OR52N2: variants seen among roughly 807,000 people sequenced by gnomAD.
OR52N2 encodes olfactory receptor family 52 subfamily N member 2, also known as olfactory receptor 52N2.
For synonymous variants in OR52N2, 129 were observed against 72.0 expected (o/e 1.79, Z -4.01); for missense variants, 326 against 196.6 (o/e 1.66, Z -3.94).
intron 1 of OR52N2, among the ~76,000 whole-genome samples, chr11:5,816,545 C>CTTTTTTTTTTT (rs1464421774): frequency 5.3e-5 from 8 of 150,688 alleles, no homozygotes; most frequent in South Asian, 2.1e-4. Context: ...TGATCTAAAT[C>CTTTTTTTTTTT]TTCTTTTTTT....
chr11:5,816,174 G>A (rs552234912), intron 1 of OR52N2, among the ~76,000 whole-genome samples: 5 of 152,154 alleles, frequency 3.3e-5, no homozygotes, highest in Admixed American at 2.6e-4. Context: ...CTGGTGGGAG[G>A]GCAAATGGAG....
chr11:5,815,397 TA>T (rs1386738279), intron 1 of OR52N2, among the ~76,000 whole-genome samples: 1 of 151,966 alleles, frequency 6.6e-6, no homozygotes, highest in African/African-American at 2.4e-5. Context: ...ACAAACAGCT[TA>T]ATAAGAAATG....
intron 1 of OR52N2, among the ~76,000 whole-genome samples, chr11:5,819,929 T>C (rs1474639450): frequency 6.6e-6 from 1 of 152,186 alleles, no homozygotes; most frequent in African/African-American, 2.4e-5. Context: ...CAGGTACAAT[T>C]AGAATGGGAA....
rs1389379874 is a variant in OR52N2 at position 5,820,422 on chromosome 11, C to A, written c.87C>A (p.Ile29=). 1 of 780,916 alleles carries A rather than the reference C, an allele frequency of 1.3e-6. No homozygotes were observed. The highest frequency in any genetic ancestry group is 1.3e-5 in the South Asian group (1 of 74,600). 48.4% of individuals were successfully genotyped at this position (780,916 alleles called of 1,614,324 possible). Residue 29 remains isoleucine (I), a synonymous_variant, in exon 2 of 2, where the codon ATC becomes ATA. Coordinates refer to ENST00000317037, the MANE Select transcript of OR52N2 (RefSeq NM_001005174.3). The part of the protein sequence containing the change: ...VPGLEATHIW[I]SLPFCFMYII... Reference sequence around the variant, plus strand: ...GGCTGGAAGCCACACACATCTGGATCTCCCTGCCATTCTGCTTTATGTACA... The same window carrying A: ...GGCTGGAAGCCACACACATCTGGATATCCCTGCCATTCTGCTTTATGTACA...
Position 5,820,473 on chromosome 11 carries a change from G to A in OR52N2, c.138G>A (p.Gly46=), listed in dbSNP as rs1324465575. The change falls in exon 2 of 2, where the codon GGG becomes GGA. Residue 46 remains glycine (G), a synonymous_variant. Coordinates refer to ENST00000317037, the MANE Select transcript of OR52N2 (RefSeq NM_001005174.3). The part of the protein sequence containing the change: ...MYIIAVVGNC[G]LICLISHEEA... ...TCATTGCTGTCGTGGGGAACTGTGG[G>A]CTCATCTGCCTCATCAGCCATGAGG... 1.3e-6 allele frequency: 1 copy of A among 779,568 alleles called. No homozygotes were observed. Among genetic ancestry groups the A allele is most frequent in the Non-Finnish European group, 2.4e-6 (1 of 417,392 alleles). 48.3% of individuals were successfully genotyped at this position (779,568 alleles called of 1,614,324 possible). A position where few individuals can be genotyped will look rare whatever the true frequency, so the allele number is the denominator to read the frequency against.
rs1447335816 is a variant in OR52N2 at position 5,819,342 on chromosome 11, T to C, written c.-54-940T>C. Among the ~76,000 whole-genome samples the C allele has an allele frequency of 5.3e-5, 8 of 152,324 alleles. 1 individual carries two copies. Among genetic ancestry groups the C allele is most frequent in the Middle Eastern group, 6.8e-3 (2 of 294 alleles). On this transcript the variant is annotated intron_variant, in intron 1 of 1. Transcript: ENST00000317037. ...ATAGCAATCCAAAGATGTGGTGCTA[T>C]TTTTTAATTGACTTCCTTTCAGTTA...
At chr11:5,818,892 C>A (rs1161085843) in intron 1 of OR52N2, among the ~76,000 whole-genome samples, 1 of 152,114 alleles carries the variant, frequency 6.6e-6, no homozygotes, top group East Asian at 1.9e-4. Flanking sequence ...TGAGAACTTC[C>A]TTATAAGAAG....
At position 5,821,349 on chromosome 11, in the gene OR52N2, C is replaced by A; in HGVS notation, c.*48C>A. On this transcript the variant is annotated 3_prime_UTR_variant, in exon 2 of 2. Coordinates refer to ENST00000317037, the MANE Select transcript of OR52N2 (RefSeq NM_001005174.3). ...TCAGGTGGTGAGAAAATAATGGAGA[C>A]AAAATTTCATAAAAGATGTGAATAA... The A allele has an allele frequency of 1.4e-6, 1 of 691,120 alleles. No homozygotes were observed. Among genetic ancestry groups the A allele is most frequent in the Admixed American group, 2.2e-5 (1 of 45,936 alleles). 42.8% of individuals were successfully genotyped at this position (691,120 alleles called of 1,614,324 possible). A position where few individuals can be genotyped will look rare whatever the true frequency, so the allele number is the denominator to read the frequency against.
intron 1 of OR52N2, among the ~76,000 whole-genome samples, chr11:5,810,078 A>AT (rs1846344848): frequency 6.6e-6 from 1 of 152,242 alleles, no homozygotes; most frequent in African/African-American, 2.4e-5. Flanking sequence ...GAAGCATCAG[A>AT]TATCAGTGAG....
chr11:5,813,872 A>G (rs994497507), intron 1 of OR52N2, among the ~76,000 whole-genome samples: 3 of 152,228 alleles, frequency 2.0e-5, no homozygotes, highest in Non-Finnish European at 4.4e-5. Context: ...CAACACACAC[A>G]AATCAATAAA....
chr11:5,810,916 A>G (rs1157218859), intron 1 of OR52N2, among the ~76,000 whole-genome samples: 1 of 152,126 alleles, frequency 6.6e-6, no homozygotes, highest in East Asian at 1.9e-4. Context: ...CAAGAGAGAC[A>G]ATGAAAAGGT....
At position 5,820,668 on chromosome 11, in the gene OR52N2, G is replaced by A. The variant is rs767527564; in HGVS notation, c.333G>A (p.Gly111=). The A allele has an allele frequency of 1.3e-6, 1 of 792,158 alleles. No homozygotes were observed. Among genetic ancestry groups the A allele is most frequent in the Non-Finnish European group, 2.3e-6 (1 of 428,420 alleles). 49.1% of individuals were successfully genotyped at this position (792,158 alleles called of 1,614,324 possible). The stretch of plus-strand genomic sequence containing the variant: ...TGTTTTTTGTCCATATGCTGACAGG[G>A]ATGGAGTCTGGGGTGCTCATGCTCA... The part of the protein sequence containing the change: ...AQMFFVHMLT[G]MESGVLMLMA... Residue 111 remains glycine, a synonymous_variant, in exon 2 of 2, where the codon GGG becomes GGA. Transcript: ENST00000317037.
chr11:5,820,774 G>A lies in OR52N2; in HGVS notation c.439G>A (p.Gly147Ser), dbSNP rs765373374. The stretch of plus-strand genomic sequence containing the variant: ...TACCAACCCTGTCATCGCCAAGGCT[G>A]GTCTTGCCACCTTCTTGAGGAATGT... ...ILTNPVIAKA[G>S]LATFLRNVML... The change falls in exon 2 of 2, where the codon GGT becomes AGT. Residue 147 changes from glycine to serine, a missense_variant. Transcript: ENST00000317037. The A allele has an allele frequency of 9.1e-6, 7 of 771,714 alleles. No individual in the cohort carries two copies. The highest frequency in any genetic ancestry group is 1.7e-5 in the Non-Finnish European group (7 of 414,474). 47.8% of individuals were successfully genotyped at this position (771,714 alleles called of 1,614,324 possible).
chr11:5,816,232 A>G (rs939979000), intron 1 of OR52N2, among the ~76,000 whole-genome samples: 1 of 152,130 alleles, frequency 6.6e-6, no homozygotes, highest in Non-Finnish European at 1.5e-5. Flanking sequence ...GGATGAAAAG[A>G]GTTCTGGAGA....
Position 5,820,775 on chromosome 11 carries a change from G to T in OR52N2, c.440G>T (p.Gly147Val). Residue 147 changes from glycine (G) to valine (V), a missense_variant, in exon 2 of 2, where the codon GGT becomes GTT. By Grantham distance (109) the Gly-to-Val change is moderately radical. Coordinates refer to ENST00000317037, the MANE Select transcript of OR52N2 (RefSeq NM_001005174.3). ...ILTNPVIAKAGLATFLRNVML... is the reference protein window; with the variant it reads ...ILTNPVIAKAVLATFLRNVML... Reference sequence around the variant, plus strand: ...ACCAACCCTGTCATCGCCAAGGCTGGTCTTGCCACCTTCTTGAGGAATGTG... The same window carrying T: ...ACCAACCCTGTCATCGCCAAGGCTGTTCTTGCCACCTTCTTGAGGAATGTG... 1 of 772,098 alleles carries T rather than the reference G, an allele frequency of 1.3e-6. No individual in the cohort carries two copies. Among genetic ancestry groups the T allele is most frequent in the South Asian group, 1.4e-5 (1 of 72,080 alleles). The allele number at this position is 772,098 out of a possible 1,614,324, so 47.8% of individuals were successfully genotyped here.
At chr11:5,818,033 G>T (rs942613392) in intron 1 of OR52N2, among the ~76,000 whole-genome samples, 3 of 152,014 alleles carry the variant, frequency 2.0e-5, no homozygotes, top group Non-Finnish European at 2.9e-5. Flanking sequence ...CATATCATCT[G>T]CAATTTACTT....
intron 1 of OR52N2, among the ~76,000 whole-genome samples, chr11:5,815,007 T>C (rs1485613173): frequency 6.6e-6 from 1 of 152,146 alleles, no homozygotes; most frequent in Non-Finnish European, 1.5e-5. Context: ...CTGAGAAAAC[T>C]GGGTATCTAC....
intron 1 of OR52N2, among the ~76,000 whole-genome samples, chr11:5,817,641 G>A (rs1846414173): frequency 6.6e-6 from 1 of 152,080 alleles, no homozygotes; most frequent in African/African-American, 2.4e-5. Context: ...TATTCTTGGG[G>A]GCATGGTTCA....
At position 5,820,724 on chromosome 11, in the gene OR52N2, A is replaced by T; in HGVS notation, c.389A>T (p.Tyr130Phe). The stretch of plus-strand genomic sequence containing the variant: ...CTGGACCGCTATGTGGCCATCTGCT[A>T]CCCCTTACGCTATGCCACCATCCTT... ...MALDRYVAIC[Y>F]PLRYATILTN... Residue 130 changes from tyrosine to phenylalanine, a missense_variant, in exon 2 of 2, where the codon TAC becomes TTC. Physicochemically the swap from Tyr to Phe is conservative, Grantham distance 22. Coordinates refer to ENST00000317037, the MANE Select transcript of OR52N2 (RefSeq NM_001005174.3). 1 of 788,132 alleles carries T rather than the reference A, an allele frequency of 1.3e-6. No homozygotes were observed. Among genetic ancestry groups the T allele is most frequent in the Non-Finnish European group, 2.3e-6 (1 of 426,748 alleles). 48.8% of individuals were successfully genotyped at this position (788,132 alleles called of 1,614,324 possible).
Sources: gnomAD v4.1 joint callset for allele counts (sites outside exome capture counted in the v4.1 genomes callset) on GRCh38, gnomAD v4.1.1 for gene constraint, MANE v1.5 for transcripts, NCBI Gene and HGNC (gene_info 2026-07-23, HGNC 2026-07-21) for gene names.